The following ZNF704 variants were observed in gnomAD, a reference collection of about 807,000 sequenced individuals.
The protein encoded by ZNF704 is zinc finger protein 704.
ZNF704 carries 10 observed loss-of-function variants against 44.7 expected under a neutral mutation model. The ratio of observed to expected loss-of-function variants is 0.22; its 90% CI spans 0.14 to 0.38. ZNF704 has a LOEUF of 0.38. ZNF704 is among the 10% of genes least tolerant of loss of function. The pLI is 1.00. For synonymous variants in ZNF704, 211 were observed against 207.6 expected (o/e 1.02, Z -0.14); for missense variants, 390 against 545.5 (o/e 0.71, Z 2.84).
chr8:80,790,971 T>A (rs1440564588), intron 2 of ZNF704, among the ~76,000 whole-genome samples: 3 of 150,536 alleles, frequency 2.0e-5, no homozygotes, highest in Non-Finnish European at 4.4e-5. Context: ...GCAGGGAGGG[T>A]GAATGAAGGA....
chr8:80,636,763 CCT>C lies in ZNF704; in HGVS notation c.*4601_*4602del, dbSNP rs1451299403. On this transcript the variant is annotated 3_prime_UTR_variant, in exon 9 of 9. Transcript: ENST00000327835. ...ACTCATTTGTATGCACAAATTCTTC[CCT>C]GAGTTCACACAGGTCAGTGCTACAG... 1 of 152,126 alleles carries C rather than the reference CCT, an allele frequency of 6.6e-6. No individual in the cohort carries two copies. Among genetic ancestry groups the C allele is most frequent in the African/African-American group, 2.4e-5 (1 of 41,404 alleles). 9.4% of individuals were successfully genotyped at this position (152,126 alleles called of 1,614,324 possible). A position where few individuals can be genotyped will look rare whatever the true frequency, so the allele number is the denominator to read the frequency against.
At position 80,795,104 on chromosome 8, in the gene ZNF704, C is replaced by T. The variant is rs184989707; in HGVS notation, c.221+26270G>A. 4.7e-3 allele frequency among the ~76,000 whole-genome samples: 713 copies of T among 152,248 alleles called. 2 individuals are homozygous for T. Among genetic ancestry groups the T allele is most frequent in the Middle Eastern group, 0.01 (3 of 294 alleles). On this transcript the variant is annotated intron_variant, in intron 2 of 8. Transcript: ENST00000327835. ...TAGGGGAATCTCCCATCCCAATGCC[C>T]TCACACAAGCGCACACACAGAGCTT... is the stretch of plus-strand genomic sequence containing the variant.
At chr8:80,757,914 CAA>C (rs1467782543) in intron 2 of ZNF704, among the ~76,000 whole-genome samples, 2 of 152,144 alleles carry the variant, frequency 1.3e-5, no homozygotes. Flanking sequence ...GATGCTTGCA[CAA>C]TGACAAAATT....
chr8:80,862,477 C>A (rs1339933282), intron 1 of ZNF704, among the ~76,000 whole-genome samples: 2 of 151,238 alleles, frequency 1.3e-5, no homozygotes, highest in Non-Finnish European at 2.9e-5. Context: ...AAGGACTTGG[C>A]ACAGTGGCTC....
intron 7 of ZNF704, among the ~76,000 whole-genome samples, chr8:80,658,982 A>G (rs578183063): frequency 6.6e-6 from 1 of 152,312 alleles, no homozygotes; most frequent in East Asian, 1.9e-4. Flanking sequence ...GATCCAATAT[A>G]TTTTTTAAAT....
At chr8:80,679,091 G>C (rs983696360) in intron 4 of ZNF704, among the ~76,000 whole-genome samples, 1 of 152,070 alleles carries the variant, frequency 6.6e-6, no homozygotes, top group Non-Finnish European at 1.5e-5. Flanking sequence ...CTCCCTTGTA[G>C]AGCCTCTTAA....
chr8:80,869,373 TCTTA>T (rs1179779058), intron 1 of ZNF704, among the ~76,000 whole-genome samples: 1 of 152,198 alleles, frequency 6.6e-6, no homozygotes, highest in Non-Finnish European at 1.5e-5. Flanking sequence ...TGCCTTCAGC[TCTTA>T]CTTCAAATCT....
chr8:80,862,108 A>G (rs1057104630), intron 1 of ZNF704, among the ~76,000 whole-genome samples: 2 of 145,878 alleles, frequency 1.4e-5, no homozygotes, highest in African/African-American at 5.2e-5. Flanking sequence ...GGTTCAAGCA[A>G]TTCTCCTGTC....
intron 1 of ZNF704, among the ~76,000 whole-genome samples, chr8:80,826,617 A>G (rs1210297653): frequency 2.6e-5 from 4 of 152,188 alleles, no homozygotes; most frequent in African/African-American, 9.6e-5. Context: ...CAGAGACACA[A>G]CAAAAAAGGA....
intron 2 of ZNF704, among the ~76,000 whole-genome samples, chr8:80,735,664 A>T (rs1463656517): frequency 6.6e-6 from 1 of 152,174 alleles, no homozygotes; most frequent in Non-Finnish European, 1.5e-5. Context: ...GTCAAAACTC[A>T]CTTTGGTAGA....
At chr8:80,881,243 C>G in the ZNF704 span, among the ~76,000 whole-genome samples, 1 of 152,004 alleles carries the variant, frequency 6.6e-6, no homozygotes, top group African/African-American at 2.4e-5. Flanking sequence ...GTTTTAATAC[C>G]AAAATATTGA....
At chr8:80,856,827 T>C (rs1249309179) in intron 1 of ZNF704, among the ~76,000 whole-genome samples, 2 of 152,230 alleles carry the variant, frequency 1.3e-5, no homozygotes, top group African/African-American at 2.4e-5. Context: ...ATTGTTTAGA[T>C]TATTGTAGTT....
At chr8:80,705,046 T>G (rs1441925308) in intron 2 of ZNF704, among the ~76,000 whole-genome samples, 1 of 152,122 alleles carries the variant, frequency 6.6e-6, no homozygotes, top group East Asian at 1.9e-4. Context: ...GTGTCACATT[T>G]GAATTGGAGG....
chr8:80,803,376 G>A (rs1050769270), intron 2 of ZNF704, among the ~76,000 whole-genome samples: 1 of 152,038 alleles, frequency 6.6e-6, no homozygotes, highest in Non-Finnish European at 1.5e-5. Context: ...AAATAGCCAA[G>A]ACAGTCCTAA....
At chr8:80,733,549 T>C (rs187801991) in intron 2 of ZNF704, among the ~76,000 whole-genome samples, 262 of 152,370 alleles carry the variant, frequency 1.7e-3, no homozygotes, top group Non-Finnish European at 2.3e-3. Context: ...TTCACTCTTA[T>C]TCCTGGCAGT....
chr8:80,703,271 G>A (rs1457119568), intron 2 of ZNF704, among the ~76,000 whole-genome samples: 2 of 151,836 alleles, frequency 1.3e-5, no homozygotes, highest in Non-Finnish European at 2.9e-5. Context: ...TTCTCTTTCT[G>A]TGCTTGCCTG....
At chr8:80,671,450 T>G (rs1469553020) in intron 4 of ZNF704, among the ~76,000 whole-genome samples, 1 of 152,236 alleles carries the variant, frequency 6.6e-6, no homozygotes, top group African/African-American at 2.4e-5. Context: ...ATAATAACAG[T>G]ACCTGTTTCA....
At chr8:80,688,850 T>G in intron 3 of ZNF704, among the ~76,000 whole-genome samples, 1 of 149,932 alleles carries the variant, frequency 6.7e-6, no homozygotes, top group Non-Finnish European at 1.5e-5. Context: ...TCCCAGCTAC[T>G]GGGGGAGCTG....
At chr8:80,822,415 T>C (rs1808291075) in intron 1 of ZNF704, among the ~76,000 whole-genome samples, 1 of 152,204 alleles carries the variant, frequency 6.6e-6, no homozygotes, top group Non-Finnish European at 1.5e-5. Flanking sequence ...ATGGTGTATA[T>C]GTGCCACAGT....
Sources: gnomAD v4.1 joint callset for allele counts (sites outside exome capture counted in the v4.1 genomes callset) on GRCh38, gnomAD v4.1.1 for gene constraint, MANE v1.5 for transcripts, NCBI Gene and HGNC (gene_info 2026-07-23, HGNC 2026-07-21) for gene names.